SV2C: variants seen among roughly 807,000 people sequenced by gnomAD.
The protein encoded by SV2C is solute carrier family 22 member B3.
In SV2C, 49 loss-of-function variants were observed where a neutral mutation model predicts 79.7. The ratio of observed to expected loss-of-function variants is 0.61; its 90% CI spans 0.49 to 0.78. SV2C has a LOEUF of 0.78. SV2C is among the 30% of genes least tolerant of loss of function. SV2C has a pLI of 0.00. For missense variants in SV2C, 833 were observed against 912.9 expected, an observed-to-expected ratio of 0.91 and a Z score of 1.13; for synonymous variants, 334 against 333.2, an observed-to-expected ratio of 1.00 and a Z score of -0.03.
the SV2C span, among the ~76,000 whole-genome samples, chr5:76,054,779 G>A: frequency 6.6e-6 from 1 of 152,130 alleles, no homozygotes; most frequent in Non-Finnish European, 1.5e-5. Flanking sequence ...TTTGTTGGCT[G>A]CATAAATGTC....
the SV2C span, among the ~76,000 whole-genome samples, chr5:76,000,480 C>A: frequency 2.0e-5 from 3 of 152,212 alleles, no homozygotes; most frequent in Admixed American, 2.0e-4. Context: ...TCTGCTGAAA[C>A]TCTGGAGGTG....
In SV2C at chr5:76,156,167, T is replaced by C. The variant is rs73764498; in HGVS notation, c.580+23837T>C. On this transcript the variant is annotated intron_variant, in intron 2 of 12. Coordinates refer to ENST00000502798, the MANE Select transcript of SV2C (RefSeq NM_014979.4). ...GGAGCCAAATTTGATTGAATCAATC[T>C]AGGAAACAACATATACCCATAGCAA... 2.5e-3 allele frequency among the ~76,000 whole-genome samples: 386 copies of C among 152,198 alleles called. 1 individual carries two copies. The highest frequency in any genetic ancestry group is 9.1e-3 in the African/African-American group (377 of 41,528).
the SV2C span, among the ~76,000 whole-genome samples, chr5:76,069,669 A>G: frequency 1.3e-5 from 2 of 152,142 alleles, no homozygotes; most frequent in African/African-American, 4.8e-5. Flanking sequence ...GCCTGAAAAG[A>G]TGCTTCTGAG....
At chr5:75,980,301 A>C in the SV2C span, among the ~76,000 whole-genome samples, 1 of 152,170 alleles carries the variant, frequency 6.6e-6, no homozygotes, top group Non-Finnish European at 1.5e-5. Context: ...TGAAGACTGT[A>C]CTATTCTTAT....
At chr5:76,351,998 A>C (rs1173187192) in intron 12 of SV2C, among the ~76,000 whole-genome samples, 1 of 152,224 alleles carries the variant, frequency 6.6e-6, no homozygotes, top group African/African-American at 2.4e-5. Context: ...GGATCACCTG[A>C]GGTCAGGAGT....
intron 4 of SV2C, among the ~76,000 whole-genome samples, chr5:76,246,127 C>T (rs1745940719): frequency 6.6e-6 from 1 of 151,998 alleles, no homozygotes; most frequent in African/African-American, 2.4e-5. Flanking sequence ...CCTGAGGACT[C>T]CTGGGAGTTA....
the SV2C span, among the ~76,000 whole-genome samples, chr5:75,872,921 TAAA>T: frequency 5.3e-4 from 80 of 150,866 alleles, no homozygotes; most frequent in African/African-American, 1.8e-3. Context: ...ATAATAAAAT[TAAA>T]AAAAGAAAAA....
At chr5:76,013,091 CT>C in the SV2C span, among the ~76,000 whole-genome samples, 3 of 152,000 alleles carry the variant, frequency 2.0e-5, no homozygotes, top group Non-Finnish European at 2.9e-5. Context: ...TATACGGGCT[CT>C]TTTTTTGGTT....
intron 4 of SV2C, among the ~76,000 whole-genome samples, chr5:76,260,288 T>A (rs942750348): frequency 6.6e-6 from 1 of 152,122 alleles, no homozygotes; most frequent in Admixed American, 6.5e-5. Flanking sequence ...TTTGATGAGG[T>A]CGTTTATTTT....
At chr5:76,350,845 C>G (rs893211313) in intron 12 of SV2C, among the ~76,000 whole-genome samples, 11 of 152,092 alleles carry the variant, frequency 7.2e-5, no homozygotes, top group African/African-American at 2.7e-4. Flanking sequence ...GAAACCCTGT[C>G]TCTACTAAAA....
At chr5:75,970,137 T>C in the SV2C span, among the ~76,000 whole-genome samples, 691 of 151,912 alleles carry the variant, frequency 4.5e-3, 12 homozygotes, top group African/African-American at 0.015. Context: ...AGAACAAAGA[T>C]ACAACATACC....
intron 4 of SV2C, among the ~76,000 whole-genome samples, chr5:76,211,609 T>TA (rs1418349988): frequency 2.0e-5 from 3 of 152,312 alleles, no homozygotes; most frequent in Admixed American, 2.0e-4. Flanking sequence ...TGCTCTAATC[T>TA]AAAAAATTAG....
the SV2C span, among the ~76,000 whole-genome samples, chr5:75,853,785 G>A: frequency 2.6e-5 from 4 of 151,280 alleles, no homozygotes; most frequent in Admixed American, 2.0e-4. Context: ...TTTACATTAC[G>A]TTCTTTTCCT....
At chr5:76,017,874 C>T in the SV2C span, among the ~76,000 whole-genome samples, 1 of 152,160 alleles carries the variant, frequency 6.6e-6, no homozygotes, top group African/African-American at 2.4e-5. Context: ...TACACTAATG[C>T]TGCTTCCACT....
chr5:76,332,331 G>GC lies in SV2C; in HGVS notation c.*6785dup, dbSNP rs1389209154. On this transcript the variant is annotated 3_prime_UTR_variant, in exon 13 of 13. Transcript: ENST00000502798. ...TTTGTGGTGCCTGGGGAGTGACTAGGCAGCCTGCTCACAGGGGCTGGAGTC... is the reference window on the plus strand; with the variant it reads ...TTTGTGGTGCCTGGGGAGTGACTAGGCCAGCCTGCTCACAGGGGCTGGAGTC... The GC allele has an allele frequency of 6.6e-6, 1 of 152,166 alleles. No individual in the cohort carries two copies. Among genetic ancestry groups the GC allele is most frequent in the Non-Finnish European group, 1.5e-5 (1 of 68,042 alleles). 9.4% of individuals were successfully genotyped at this position (152,166 alleles called of 1,614,324 possible). A position where few individuals can be genotyped will look rare whatever the true frequency, so the allele number is the denominator to read the frequency against.
chr5:76,191,268 A>C (rs913581336), intron 2 of SV2C, among the ~76,000 whole-genome samples: 3 of 152,168 alleles, frequency 2.0e-5, no homozygotes, highest in African/African-American at 7.2e-5. Context: ...CCCAGGTCCC[A>C]CCTCCAACAT....
At chr5:76,190,797 T>C (rs1744076595) in intron 2 of SV2C, among the ~76,000 whole-genome samples, 1 of 152,352 alleles carries the variant, frequency 6.6e-6, no homozygotes, top group Admixed American at 6.5e-5. Context: ...AAGCATTATT[T>C]GAGTAACAAA....
chr5:76,244,444 C>A (rs545741631), intron 4 of SV2C, among the ~76,000 whole-genome samples: 225 of 152,300 alleles, frequency 1.5e-3, no homozygotes, highest in African/African-American at 4.9e-3. Flanking sequence ...TTTAAAATTT[C>A]TAGTAACCAC....
the SV2C span, among the ~76,000 whole-genome samples, chr5:75,897,784 G>C: frequency 9.0e-6 from 1 of 111,530 alleles, no homozygotes; most frequent in South Asian, 2.9e-4. Flanking sequence ...GGTCCTTCAC[G>C]TCCCTTGTAA....
Sources: allele counts gnomAD v4.1 joint callset (sites outside exome capture counted in the v4.1 genomes callset), GRCh38; gene constraint gnomAD v4.1.1; transcripts MANE v1.5; gene names NCBI Gene and HGNC (gene_info 2026-07-23, HGNC 2026-07-21).